SLC38A8: variants seen among roughly 807,000 people sequenced by gnomAD.
The protein encoded by SLC38A8 is amino acid transporter SLC38A8.
Under a neutral mutation model 46.0 loss-of-function variants are expected in SLC38A8, and 65 were observed. The observed-to-expected ratio is 1.41, with a 90% CI of 1.16 to 1.74. SLC38A8 has a LOEUF of 1.74. Ranked by LOEUF, SLC38A8 falls within the 40% of genes most tolerant of loss-of-function variation. The pLI is 0.00. For missense variants in SLC38A8, 998 were observed against 567.9 expected, an observed-to-expected ratio of 1.76 and a Z score of -7.70; for synonymous variants, 447 against 243.7, an observed-to-expected ratio of 1.83 and a Z score of -7.77.
upstream of SLC38A8, among the ~76,000 whole-genome samples, chr16:84,043,332 G>C (rs1266605570): frequency 6.6e-6 from 1 of 152,210 alleles, no homozygotes; most frequent in Non-Finnish European, 1.5e-5. Flanking sequence ...ATGCAGCTCA[G>C]ATCCGGAATT....
At chr16:84,010,704 A>C (rs961587152) in intron 10 of SLC38A8, among the ~76,000 whole-genome samples, 6 of 152,154 alleles carry the variant, frequency 3.9e-5, no homozygotes, top group African/African-American at 1.2e-4. Flanking sequence ...AGATTGCACC[A>C]CTGCACTCCA....
chr16:84,014,638 G>T (rs939972504), intron 9 of SLC38A8, among the ~76,000 whole-genome samples: 1 of 152,240 alleles, frequency 6.6e-6, no homozygotes, highest in African/African-American at 2.4e-5. Flanking sequence ...CAGGAGCAGA[G>T]TGGGTGGCTG....
At chr16:84,015,428 T>G (rs993204539) in intron 9 of SLC38A8, among the ~76,000 whole-genome samples, 1 of 152,044 alleles carries the variant, frequency 6.6e-6, no homozygotes, top group Non-Finnish European at 1.5e-5. Context: ...AGGGAGACAT[T>G]TGCAGGGTGC....
intron 3 of SLC38A8, among the ~76,000 whole-genome samples, chr16:84,035,995 G>C (rs907880551): frequency 6.6e-6 from 1 of 152,300 alleles, no homozygotes; most frequent in East Asian, 1.9e-4. Context: ...CACATTCTCT[G>C]AAGAGCACAC....
chr16:84,020,659 G>A (rs901307156), intron 7 of SLC38A8, among the ~76,000 whole-genome samples: 2 of 152,210 alleles, frequency 1.3e-5, no homozygotes, highest in African/African-American at 4.8e-5. Context: ...AGAGACGTGA[G>A]GGCACGTAGG....
intron 3 of SLC38A8, among the ~76,000 whole-genome samples, chr16:84,036,331 C>G (rs35009646): frequency 2.6e-5 from 4 of 152,112 alleles, no homozygotes; most frequent in East Asian, 3.9e-4. Context: ...GTCGGGAACT[C>G]GAGGCCAAGG....
At chr16:84,030,300 C>A (rs1339837523) in intron 5 of SLC38A8, among the ~76,000 whole-genome samples, 4 of 152,160 alleles carry the variant, frequency 2.6e-5, no homozygotes, top group Non-Finnish European at 5.9e-5. Flanking sequence ...CTTGTCACAA[C>A]AGCCCTCGGA....
intron 6 of SLC38A8, 130 bp downstream of exon 6, chr16:84,029,364 G>A: frequency 1.1e-6 from 1 of 881,446 alleles, no homozygotes. Context: ...GGGCGGCACA[G>A]AGCCCACTGT....
At chr16:84,030,678 C>T (rs749713629) in intron 5 of SLC38A8, among the ~76,000 whole-genome samples, 4 of 152,200 alleles carry the variant, frequency 2.6e-5, no homozygotes, top group Non-Finnish European at 4.4e-5. Context: ...CCTTGACTTT[C>T]TTCTCTCTCT....
rs531878220 is a variant in SLC38A8, at chr16:84,027,329, G to A, written c.690+2165C>T. 9.7e-4 allele frequency among the ~76,000 whole-genome samples: 130 copies of A among 133,396 alleles called. 7 individuals are homozygous for A. The highest frequency in any genetic ancestry group is 2.0e-4 in the Non-Finnish European group (13 of 65,818). 87.5% of individuals were successfully genotyped at this position (133,396 alleles called of 152,430 possible). On this transcript the variant is annotated intron_variant, in intron 6 of 10. Transcript: ENST00000299709. ...CACACCACTGCACTCCAGCCTGGGC[G>A]ACAGAGCAAGTCTGCCACAAAAGCA...
chr16:84,031,866 C>T lies in SLC38A8; in HGVS notation c.632+1G>A, dbSNP rs1473492838. ...GCCGGAAGCTGTTCCCTCAGACTTACCTCAGTGAAGGATGGGACTCACGCA... is the reference window on the plus strand; with the variant it reads ...GCCGGAAGCTGTTCCCTCAGACTTATCTCAGTGAAGGATGGGACTCACGCA... On this transcript the variant is annotated splice_donor_variant, in intron 5 of 10. Transcript: ENST00000299709. LOFTEE classifies it high-confidence loss of function. The T allele has an allele frequency of 1.9e-6, 3 of 1,613,894 alleles. No individual in the cohort carries two copies. Among genetic ancestry groups the T allele is most frequent in the Middle Eastern group, 1.7e-4 (1 of 6,056 alleles).
intron 2 of SLC38A8, 79 bp from the exon 3 acceptor site, chr16:84,036,979 C>T (rs1315567233): frequency 7.2e-7 from 1 of 1,398,494 alleles, no homozygotes; most frequent in Non-Finnish European, 9.8e-7. Context: ...CTCGGGCACA[C>T]TCTCCACATG....
chr16:84,012,321 G>T (rs558481646), intron 10 of SLC38A8, among the ~76,000 whole-genome samples: 1 of 152,314 alleles, frequency 6.6e-6, no homozygotes, highest in Admixed American at 6.5e-5. Flanking sequence ...CTGCTCAGTG[G>T]CAAAGTACAG....
intron 4 of SLC38A8, among the ~76,000 whole-genome samples, chr16:84,032,778 G>A (rs1475327982): frequency 6.6e-6 from 1 of 152,190 alleles, no homozygotes; most frequent in African/African-American, 2.4e-5. Context: ...GATGGATACT[G>A]TTTCCAAGCT....
intron 6 of SLC38A8, among the ~76,000 whole-genome samples, chr16:84,028,253 T>C (rs567532785): frequency 5.3e-5 from 8 of 152,128 alleles, no homozygotes; most frequent in African/African-American, 1.9e-4. Context: ...GGATAGGTGG[T>C]TGTTTTTAGG....
intron 10 of SLC38A8, among the ~76,000 whole-genome samples, chr16:84,011,789 C>A (rs1467519736): frequency 6.6e-6 from 1 of 152,170 alleles, no homozygotes; most frequent in Non-Finnish European, 1.5e-5. Context: ...GAGGCTGAGG[C>A]AGGAGGATTG....
chr16:84,009,688 T>G lies in SLC38A8; in HGVS notation c.*96A>C. ...GGCATCAGTCTCTCCAGCATCTTTA[T>G]GAGGAAAAGAAATGGCATCGGTCTC... On this transcript the variant is annotated 3_prime_UTR_variant, in exon 11 of 11. Transcript: ENST00000299709. 2 of 1,046,186 alleles carry G rather than the reference T, an allele frequency of 1.9e-6. No individual in the cohort carries two copies. The highest frequency in any genetic ancestry group is 2.8e-6 in the Non-Finnish European group (2 of 721,036). The allele number at this position is 1,046,186 out of a possible 1,614,324, so 64.8% of individuals were successfully genotyped here.
intron 5 of SLC38A8, 108 bp from the exon 6 acceptor site, chr16:84,029,659 G>A: frequency 8.3e-6 from 9 of 1,085,266 alleles, no homozygotes; most frequent in Middle Eastern, 2.0e-4. Context: ...AACAGAGCAT[G>A]GCTGCAAGAT....
chr16:84,013,435 T>TGTTTTTTTTTGTTGTTG (rs1555551880), intron 9 of SLC38A8, among the ~76,000 whole-genome samples: 17 of 130,696 alleles, frequency 1.3e-4, no homozygotes, highest in Admixed American at 1.1e-3. Flanking sequence ...TTTTTTTTTT[T>TGTTTTTTTTTGTTGTTG]TTTTTTTTTT....
Sources: gnomAD v4.1 joint callset for allele counts (sites outside exome capture counted in the v4.1 genomes callset) on GRCh38, gnomAD v4.1.1 for gene constraint, MANE v1.5 for transcripts, NCBI Gene and HGNC (gene_info 2026-07-23, HGNC 2026-07-21) for gene names.